CUBN: variants seen among roughly 807,000 people sequenced by gnomAD.
The protein encoded by CUBN is cubilin.
CUBN carries 282 observed loss-of-function variants against 405.3 expected under a neutral mutation model. That is an observed-to-expected ratio of 0.70 (90% CI 0.63 to 0.77). CUBN has a LOEUF of 0.77. Ranked by LOEUF, CUBN falls within the 30% of genes least tolerant of loss-of-function variation. The probability of loss-of-function intolerance (pLI) is 0.00; values close to 1 mark genes in which losing one functional copy is unlikely to be tolerated. For missense variants in CUBN, 4,514 were observed against 4,475.2 expected (o/e 1.01, Z -0.25); for synonymous variants, 1,684 against 1,617.0 (o/e 1.04, Z -0.99).
At chr10:16,951,520 G>C (rs1842920690) in intron 33 of CUBN, among the ~76,000 whole-genome samples, 1 of 152,112 alleles carries the variant, frequency 6.6e-6, no homozygotes, top group Non-Finnish European at 1.5e-5. Flanking sequence ...AAACCTCAAA[G>C]GAGGGCAGGG....
Position 16,840,706 on chromosome 10 carries a change from C to T in CUBN, c.9827-171G>A, listed in dbSNP as rs1839320968. ...ACTAAAGATTGTATCAAATTTGTACCACAGATTAAACATACAGTAATTAAC... is the reference window on the plus strand; with the variant it reads ...ACTAAAGATTGTATCAAATTTGTACTACAGATTAAACATACAGTAATTAAC... On this transcript the variant is annotated intron_variant, in intron 61 of 66. Transcript: ENST00000377833. Among the ~76,000 whole-genome samples the T allele has an allele frequency of 2.0e-5, 3 of 152,004 alleles. No individual in the cohort carries two copies. In the South Asian group the frequency reaches 6.2e-4, roughly 32 times the overall value.
chr10:17,081,212 C>T (rs1227271178), intron 17 of CUBN, among the ~76,000 whole-genome samples: 1 of 152,184 alleles, frequency 6.6e-6, no homozygotes. Context: ...GCAATGGTAC[C>T]TTAATCTTCA....
At chr10:17,084,834 A>G (rs1032970310) in intron 16 of CUBN, among the ~76,000 whole-genome samples, 1 of 152,252 alleles carries the variant, frequency 6.6e-6, no homozygotes, top group African/African-American at 2.4e-5. Flanking sequence ...TAAAGAAAAA[A>G]TGAATACAGA....
At chr10:16,967,703 G>A (rs1454700629) in intron 31 of CUBN, among the ~76,000 whole-genome samples, 1 of 151,658 alleles carries the variant, frequency 6.6e-6, no homozygotes, top group African/African-American at 2.4e-5. Context: ...AGGGAGGAGA[G>A]AGAGAAAGAG....
At chr10:17,078,699 T>C (rs1311117525) in intron 17 of CUBN, among the ~76,000 whole-genome samples, 1 of 152,204 alleles carries the variant, frequency 6.6e-6, no homozygotes, top group Non-Finnish European at 1.5e-5. Context: ...CTAGTACTAC[T>C]AGTACTATCC....
chr10:16,960,817 C>A (rs1026935895), intron 31 of CUBN, among the ~76,000 whole-genome samples: 3 of 152,108 alleles, frequency 2.0e-5, no homozygotes, highest in Non-Finnish European at 4.4e-5. Flanking sequence ...TTCCTATATG[C>A]CAGGTCTGAA....
At chr10:16,954,197 C>G (rs1588515672) in intron 32 of CUBN, among the ~76,000 whole-genome samples, 192 bp downstream of exon 32, 1 of 152,254 alleles carries the variant, frequency 6.6e-6, no homozygotes, top group East Asian at 1.9e-4. Flanking sequence ...CAAAGGAAGT[C>G]AGAGAAGGAG....
intron 28 of CUBN, among the ~76,000 whole-genome samples, chr10:16,997,878 CA>C (rs1388671309): frequency 6.6e-6 from 1 of 152,130 alleles, no homozygotes; most frequent in African/African-American, 2.4e-5. Flanking sequence ...TCTCTGAACA[CA>C]AGGCCAAGGG....
intron 59 of CUBN, among the ~76,000 whole-genome samples, chr10:16,869,164 AT>A (rs72310717): frequency 2.8e-3 from 341 of 121,142 alleles, no homozygotes; most frequent in Middle Eastern, 9.7e-3. Flanking sequence ...TACCAAAGTG[AT>A]TTTTTTTTTT....
intron 22 of CUBN, among the ~76,000 whole-genome samples, chr10:17,056,482 G>C (rs954905112): frequency 3.9e-5 from 6 of 151,900 alleles, no homozygotes; most frequent in African/African-American, 1.5e-4. Context: ...GGTGGCGGGC[G>C]CCTGCAGTCC....
At chr10:17,012,040 T>C (rs1834200460) in intron 28 of CUBN, among the ~76,000 whole-genome samples, 1 of 152,166 alleles carries the variant, frequency 6.6e-6, no homozygotes, top group African/African-American at 2.4e-5. Context: ...AGTTGTAGTG[T>C]CCTCCAGAGG....
chr10:16,912,006 C>T (rs7904912), intron 48 of CUBN, among the ~76,000 whole-genome samples: 11,326 of 152,112 alleles, frequency 0.074, 747 homozygotes, highest in African/African-American at 0.18. Context: ...TCTACTTCAT[C>T]TTTGTTTATA....
intron 22 of CUBN, among the ~76,000 whole-genome samples, chr10:17,051,774 G>A (rs983056102): frequency 6.6e-6 from 1 of 151,354 alleles, no homozygotes; most frequent in Non-Finnish European, 1.5e-5. Context: ...AGAACTCCAG[G>A]AAAATGGACA....
chr10:16,999,344 A>G (rs1833818032), intron 28 of CUBN, among the ~76,000 whole-genome samples: 1 of 152,232 alleles, frequency 6.6e-6, no homozygotes, highest in Non-Finnish European at 1.5e-5. Flanking sequence ...ACAAAAGGAT[A>G]CTATCTTTCG....
At chr10:17,048,603 C>A (rs1835192021) in intron 22 of CUBN, among the ~76,000 whole-genome samples, 1 of 152,092 alleles carries the variant, frequency 6.6e-6, no homozygotes, top group Non-Finnish European at 1.5e-5. Context: ...TCAGCCTCCC[C>A]AGCAGCTGGG....
chr10:16,882,757 T>C (rs1840698590), intron 56 of CUBN, among the ~76,000 whole-genome samples: 1 of 152,310 alleles, frequency 6.6e-6, no homozygotes. Context: ...CTCACACCTG[T>C]AATCCCAACA....
chr10:17,045,386 G>A (rs1835110094), intron 24 of CUBN, among the ~76,000 whole-genome samples, 198 bp from the exon 25 acceptor site: 1 of 143,338 alleles, frequency 7.0e-6, no homozygotes, highest in South Asian at 2.2e-4. Flanking sequence ...TTGAGATGGA[G>A]TCTCACTGGG....
rs745602995 is a variant in CUBN, at chr10:17,104,592, C to T, written c.1244G>A (p.Gly415Asp). 6.2e-7 allele frequency: 1 copy of T among 1,613,010 alleles called. No individual in the cohort carries two copies. The highest frequency in any genetic ancestry group is 1.3e-5 in the African/African-American group (1 of 74,750). Residue 415 changes from glycine (G) to aspartate (D), a missense_variant, in exon 12 of 67, where the codon GGT (glycine) becomes GAT (aspartate). Physicochemically the swap from Gly to Asp is moderately conservative, Grantham distance 94 (BLOSUM62 -1). Coordinates refer to ENST00000377833, the MANE Select transcript of CUBN (RefSeq NM_001081.4). ...ACCTGAGTCACACTTACAAAAATAA[C>T]CAGAGACAGTGTCCTAAGGGGAAAA... ...LNGQCIDTVSGYFCKCDSGWT... is the reference protein window; with the variant it reads ...LNGQCIDTVSDYFCKCDSGWT...
intron 48 of CUBN, among the ~76,000 whole-genome samples, chr10:16,908,911 TG>T (rs1329056262): frequency 6.9e-6 from 1 of 144,152 alleles, no homozygotes; most frequent in Non-Finnish European, 1.5e-5. Context: ...AGTCTCGCTC[TG>T]TCGCCCAGGC....
Sources: gnomAD v4.1 joint callset for allele counts (sites outside exome capture counted in the v4.1 genomes callset) on GRCh38, gnomAD v4.1.1 for gene constraint, MANE v1.5 for transcripts, NCBI Gene and HGNC (gene_info 2026-07-23, HGNC 2026-07-21) for gene names.